The following FILIP1 variants were observed in gnomAD, a reference collection of about 807,000 sequenced individuals.
The protein encoded by FILIP1 is filamin A interacting protein 1.
A neutral mutation model predicts 102.1 loss-of-function variants in FILIP1; 61 were observed. That is an observed-to-expected ratio of 0.60 (90% confidence interval 0.49 to 0.74). The LOEUF (loss-of-function observed/expected upper bound fraction) is 0.74. Ranked by LOEUF, FILIP1 falls within the 30% of genes least tolerant of loss-of-function variation. The pLI, the probability that FILIP1 is intolerant of heterozygous loss-of-function variation, is 0.00. For synonymous variants in FILIP1, 491 were observed against 526.9 expected (o/e 0.93, Z 0.93); for missense variants, 1,314 against 1,441.2 (o/e 0.91, Z 1.43).
rs1203079052 is a variant in FILIP1, at chr6:75,372,731, A to G, written c.277-9814T>C. 1.1e-3 allele frequency among the ~76,000 whole-genome samples: 19 copies of G among 17,540 alleles called. 2 individuals are homozygous for G. The highest frequency in any genetic ancestry group is 4.4e-3 in the African/African-American group (18 of 4,062). The allele number at this position is 17,540 out of a possible 152,430, so 11.5% of individuals were successfully genotyped here. A position where few individuals can be genotyped will look rare whatever the true frequency, so the allele number is the denominator to read the frequency against. On this transcript the variant is annotated intron_variant, in intron 2 of 5. Transcript: ENST00000237172. ...AAAGAAAGGAAAGAAAGAGAAAGAGAAAGAAAGAAAGAAAGAAAGAAAGAA... is the reference window on the plus strand; with the variant it reads ...AAAGAAAGGAAAGAAAGAGAAAGAGGAAGAAAGAAAGAAAGAAAGAAAGAA...
intron 1 of FILIP1, among the ~76,000 whole-genome samples, chr6:75,443,704 T>A (rs1255760755): frequency 6.6e-6 from 1 of 152,212 alleles, no homozygotes; most frequent in Non-Finnish European, 1.5e-5. Flanking sequence ...TGGGTCTACA[T>A]TCCCATGCAA....
At chr6:75,487,560 G>A (rs766025634) in intron 1 of FILIP1, among the ~76,000 whole-genome samples, 19 of 151,758 alleles carry the variant, frequency 1.3e-4, no homozygotes, top group African/African-American at 3.6e-4. Flanking sequence ...GTGTGTGCAC[G>A]TGCGTGTGTG....
At chr6:75,427,652 CT>C (rs1562584519) in intron 1 of FILIP1, among the ~76,000 whole-genome samples, 1 of 152,130 alleles carries the variant, frequency 6.6e-6, no homozygotes, top group East Asian at 1.9e-4. Flanking sequence ...AACCTCCTTA[CT>C]TTAGACACAT....
At chr6:75,375,915 T>C (rs946167817) in intron 2 of FILIP1, among the ~76,000 whole-genome samples, 1 of 152,180 alleles carries the variant, frequency 6.6e-6, no homozygotes, top group Admixed American at 6.5e-5. Context: ...TTCTGAACTT[T>C]TGAGGAATGT....
At position 75,470,142 on chromosome 6, in the gene FILIP1, G is replaced by C. The variant is rs112416361; in HGVS notation, c.-7+23272C>G. ...GGGGCAAACTGTTATTATTTACAGAGAAAATGATAGAAAGCTCAAGATAAT... is the reference window on the plus strand; with the variant it reads ...GGGGCAAACTGTTATTATTTACAGACAAAATGATAGAAAGCTCAAGATAAT... On this transcript the variant is annotated intron_variant, in intron 1 of 5. Transcript: ENST00000237172. Among the ~76,000 whole-genome samples the C allele has an allele frequency of 6.0e-3, 917 of 151,932 alleles. 6 individuals are homozygous for C. The highest frequency in any genetic ancestry group is 0.016 in the South Asian group (79 of 4,794).
At position 75,313,368 on chromosome 6, in the gene FILIP1, C is replaced by A; in HGVS notation, c.2464G>T (p.Val822Leu). The change falls in exon 5 of 6, where the codon GTA becomes TTA. Residue 822 changes from valine to leucine, a missense_variant. By Grantham distance (32) the Val-to-Leu change is conservative. Coordinates refer to ENST00000237172, the MANE Select transcript of FILIP1 (RefSeq NM_015687.5). The surrounding 1 kb of genome is among the most constrained non-coding windows in gnomAD (Gnocchi z 4.2). ...GEAAEEETPA[V>L]FIRKSFQEEN... ...TCCTGGAAGGATTTCCGTATGAATACAGCTGGCGTTTCTTCCTCTGCTGCT... is the reference window on the plus strand; with the variant it reads ...TCCTGGAAGGATTTCCGTATGAATAAAGCTGGCGTTTCTTCCTCTGCTGCT... 1 of 1,614,214 alleles carries A rather than the reference C, an allele frequency of 6.2e-7. No homozygotes were observed. Among genetic ancestry groups the A allele is most frequent in the Non-Finnish European group, 8.5e-7 (1 of 1,180,046 alleles).
At chr6:75,374,786 C>G (rs1775700516) in intron 2 of FILIP1, among the ~76,000 whole-genome samples, 1 of 152,224 alleles carries the variant, frequency 6.6e-6, no homozygotes, top group Non-Finnish European at 1.5e-5. Context: ...ATGTAATCCC[C>G]TCAACAGAAA....
chr6:75,363,055 A>AT, intron 2 of FILIP1, 138 bp from the exon 3 acceptor site: 1 of 798,672 alleles, frequency 1.3e-6, no homozygotes, highest in South Asian at 2.2e-5. Flanking sequence ...ATTCTGCTCT[A>AT]ATTTTTTTTT....
intron 4 of FILIP1, among the ~76,000 whole-genome samples, chr6:75,324,816 G>A (rs186156841): frequency 8.5e-5 from 13 of 152,080 alleles, no homozygotes; most frequent in African/African-American, 3.1e-4. Flanking sequence ...TCAACAAGGC[G>A]AACAAAAGCA....
chr6:75,415,179 T>A (rs1447244515), intron 1 of FILIP1, among the ~76,000 whole-genome samples: 1 of 152,092 alleles, frequency 6.6e-6, no homozygotes, highest in Non-Finnish European at 1.5e-5. Context: ...GACAAACCCC[T>A]CAAGCCAAAT....
intron 1 of FILIP1, among the ~76,000 whole-genome samples, chr6:75,437,921 G>A (rs947921762): frequency 6.6e-6 from 1 of 152,132 alleles, no homozygotes; most frequent in African/African-American, 2.4e-5. Flanking sequence ...ATAGGAGTAC[G>A]TTATAAGATT....
chr6:75,359,479 A>G (rs1335519475), intron 3 of FILIP1, among the ~76,000 whole-genome samples: 1 of 152,230 alleles, frequency 6.6e-6, no homozygotes, highest in East Asian at 1.9e-4. Context: ...CAACTCAAGA[A>G]CATGAAAATA....
Position 75,313,346 on chromosome 6 carries a change from T to C in FILIP1, c.2486A>G (p.Gln829Arg). 5.6e-6 allele frequency: 9 copies of C among 1,614,272 alleles called. No individual in the cohort carries two copies. Among genetic ancestry groups the C allele is most frequent in the Non-Finnish European group, 5.9e-6 (7 of 1,180,054 alleles). Residue 829 changes from glutamine to arginine, a missense_variant, in exon 5 of 6, where the codon CAG becomes CGG. Physicochemically the swap from Gln to Arg is conservative, Grantham distance 43. This residue lies in a region of FILIP1 where 816 missense variants were observed against 913.1 expected (regional missense o/e 0.89). Transcript: ENST00000237172. The surrounding 1 kb of genome is among the most constrained non-coding windows in gnomAD (Gnocchi z 4.2). ...TPAVFIRKSF[Q>R]EENHIMSNLR... ...ATTACTCATAATATGATTTTCTTCC[T>C]GGAAGGATTTCCGTATGAATACAGC...
In FILIP1 at chr6:75,308,748, T is replaced by G. The variant is rs776414914; in HGVS notation, c.3585A>C (p.Ile1195=). ...TGCTGGCTGCAGATTTCTTCAGCTC[T>G]ATTTTCATAGACTGAGTCTCAGCTC... ...EPRAETQSMK[I]ELKKSAASST... is the part of the protein sequence containing the mutation. Residue 1195 remains isoleucine, a synonymous_variant, in exon 6 of 6, where the codon ATA becomes ATC. Coordinates refer to ENST00000237172, the MANE Select transcript of FILIP1 (RefSeq NM_015687.5). 3.1e-6 allele frequency: 5 copies of G among 1,613,924 alleles called. No homozygotes were observed. In the African/African-American group the frequency reaches 6.7e-5, roughly 22 times the overall value.
intron 1 of FILIP1, among the ~76,000 whole-genome samples, chr6:75,448,257 T>A (rs967266954): frequency 2.0e-5 from 3 of 152,172 alleles, no homozygotes; most frequent in African/African-American, 7.2e-5. Flanking sequence ...CCTGAATACA[T>A]TCTCAGAAGC....
chr6:75,474,188 A>G (rs559187741), intron 1 of FILIP1, among the ~76,000 whole-genome samples: 5 of 152,130 alleles, frequency 3.3e-5, no homozygotes, highest in South Asian at 2.1e-4. Context: ...TACTTTCTGT[A>G]ATGCATTTAT....
In FILIP1 at chr6:75,314,512, T is replaced by C. The variant is rs557428315; in HGVS notation, c.1320A>G (p.Glu440=). ...KRMSELEKLE[E]AFSKSKSECT... is the part of the protein sequence containing the mutation. ...ACTCAGATTTACTCTTGCTAAATGC[T>C]TCTTCCAATTTCTCTAGTTCAGACA... Residue 440 remains glutamate, a synonymous_variant, in exon 5 of 6, where the codon GAA becomes GAG. Transcript: ENST00000237172. 22 of 1,612,874 alleles carry C rather than the reference T, an allele frequency of 1.4e-5. No homozygotes were observed. In the South Asian group the frequency reaches 2.2e-4, roughly 16 times the overall value.
intron 2 of FILIP1, among the ~76,000 whole-genome samples, chr6:75,403,086 G>A (rs1776710361): frequency 6.6e-6 from 1 of 152,044 alleles, no homozygotes; most frequent in Admixed American, 6.6e-5. Flanking sequence ...AGGGAATGTG[G>A]GTGTATTAAG....
At chr6:75,322,222 T>C (rs1773689191) in intron 4 of FILIP1, among the ~76,000 whole-genome samples, 1 of 152,212 alleles carries the variant, frequency 6.6e-6, no homozygotes, top group Admixed American at 6.5e-5. Context: ...TCTTTTTTTT[T>C]CAACAATTTC....
Sources: gnomAD v4.1 joint callset for allele counts (sites outside exome capture counted in the v4.1 genomes callset) on GRCh38, gnomAD v4.1.1 for gene constraint, gnomAD v4.1.1 regional missense constraint, Gnocchi (gnomAD v3.1) non-coding constraint, MANE v1.5 for transcripts, NCBI Gene and HGNC (gene_info 2026-07-23, HGNC 2026-07-21) for gene names.